The following TMED5 variants were observed in gnomAD, a reference collection of about 807,000 sequenced individuals.
TMED5 encodes transmembrane emp24 domain-containing protein 5.
TMED5 carries 27 observed loss-of-function variants against 23.0 expected under a neutral mutation model. The ratio of observed to expected loss-of-function variants is 1.17; its 90% CI spans 0.86 to 1.62. The LOEUF (loss-of-function observed/expected upper bound fraction) is 1.62, where lower values mean the gene tolerates loss of function less well. TMED5 is among the 40% of genes most tolerant of loss of function. The pLI is 0.00. For synonymous variants in TMED5, 97 were observed against 100.8 expected (o/e 0.96, Z 0.23); for missense variants, 248 against 273.7 (o/e 0.91, Z 0.66).
At chr1:93,155,960 T>C in intron 3 of TMED5, 1 of 706,986 alleles carries the variant, frequency 1.4e-6, no homozygotes. Flanking sequence ...ACTTTTCATA[T>C]GCCTGCTGTA....
intron 1 of TMED5, among the ~76,000 whole-genome samples, chr1:93,164,619 TCA>T (rs1468471420): frequency 6.6e-6 from 1 of 152,136 alleles, no homozygotes; most frequent in Non-Finnish European, 1.5e-5. Flanking sequence ...ACCCACGTGT[TCA>T]GAGACTCAAG....
In TMED5 at chr1:93,151,990, G is replaced by A. The variant is rs970399893; in HGVS notation, c.*2680C>T. 1 of 152,472 alleles carries A rather than the reference G, an allele frequency of 6.6e-6. No homozygotes were observed. The highest frequency in any genetic ancestry group is 2.4e-5 in the African/African-American group (1 of 41,412). 9.4% of individuals were successfully genotyped at this position (152,472 alleles called of 1,614,324 possible). On this transcript the variant is annotated 3_prime_UTR_variant, in exon 4 of 4. Transcript: ENST00000370282. ...CTTCAGATGAAAAATCCTTACATGT[G>A]GAATCAATGTCTTTTAAAATTTCAG...
chr1:93,153,105 C>G lies in TMED5; in HGVS notation c.*1565G>C, dbSNP rs1389639903. 1 of 152,448 alleles carries G rather than the reference C, an allele frequency of 6.6e-6. No homozygotes were observed. Among genetic ancestry groups the G allele is most frequent in the Non-Finnish European group, 1.5e-5 (1 of 67,970 alleles). 9.4% of individuals were successfully genotyped at this position (152,448 alleles called of 1,614,324 possible). On this transcript the variant is annotated 3_prime_UTR_variant, in exon 4 of 4. Coordinates refer to ENST00000370282, the MANE Select transcript of TMED5 (RefSeq NM_016040.5). ...TAACCTGTTGAGGGGTTCTATACCCCAAATTTTAAGTTTGTTTCTAACTCA... is the reference window on the plus strand; with the variant it reads ...TAACCTGTTGAGGGGTTCTATACCCGAAATTTTAAGTTTGTTTCTAACTCA...
intron 2 of TMED5, among the ~76,000 whole-genome samples, chr1:93,157,984 C>T (rs993765996): frequency 4.6e-5 from 7 of 151,860 alleles, no homozygotes; most frequent in African/African-American, 9.7e-5. Flanking sequence ...ATTAGCCGGG[C>T]GTGGTGGCGG....
At position 93,160,586 on chromosome 1, in the gene TMED5, G is replaced by A. The variant is rs565977737; in HGVS notation, c.190-360C>T. The A allele has an allele frequency of 7.2e-5, 12 of 167,152 alleles. 1 individual carries two copies. The South Asian group carries it at 1.5e-3, about 22-fold the overall frequency. 10.4% of individuals were successfully genotyped at this position (167,152 alleles called of 1,614,324 possible). A position where few individuals can be genotyped will look rare whatever the true frequency, so the allele number is the denominator to read the frequency against. On this transcript the variant is annotated intron_variant, in intron 1 of 3. Coordinates refer to ENST00000370282, the MANE Select transcript of TMED5 (RefSeq NM_016040.5). ...AAAACTTAGGCAATTGGCAGGGCGC[G>A]GTGGCTCACGCCTGTAATCCCAGCA...
intron 2 of TMED5, chr1:93,159,026 T>C (rs1648175465): frequency 5.5e-6 from 1 of 182,188 alleles, no homozygotes; most frequent in Non-Finnish European, 1.0e-5. Context: ...AAAATGCATT[T>C]TAAATGAGTA....
chr1:93,156,823 A>G lies in TMED5; in HGVS notation c.288-340T>C, dbSNP rs949328004. Among the ~76,000 whole-genome samples, 38 of 151,418 alleles carry G rather than the reference A, an allele frequency of 2.5e-4. 1 individual carries two copies. The highest frequency in any genetic ancestry group is 5.2e-4 in the Non-Finnish European group (35 of 67,830). ...ATCCTGTCTCAAAAAAAAAAAAAAA[A>G]AAAAAGAAACCAACAAAACAAAAAA... On this transcript the variant is annotated intron_variant, in intron 2 of 3. Transcript: ENST00000370282.
At chr1:93,156,186 T>C in intron 3 of TMED5, 114 bp downstream of exon 3, 1 of 1,191,314 alleles carries the variant, frequency 8.4e-7, no homozygotes, top group Non-Finnish European at 1.2e-6. Context: ...AAATAAAATA[T>C]TAGAAACAGA....
chr1:93,169,916 C>CACACACACAA (rs1648649390), intron 1 of TMED5, among the ~76,000 whole-genome samples: 1 of 151,420 alleles, frequency 6.6e-6, no homozygotes, highest in African/African-American at 2.4e-5. Context: ...CACACACACA[C>CACACACACAA]ACAAAATTAG....
chr1:93,167,147 C>A (rs1163962437), intron 1 of TMED5, among the ~76,000 whole-genome samples: 1 of 152,010 alleles, frequency 6.6e-6, no homozygotes, highest in African/African-American at 2.4e-5. Context: ...AGCACCATGC[C>A]ATTTTGGTTA....
At chr1:93,157,796 T>C (rs556404834) in intron 2 of TMED5, among the ~76,000 whole-genome samples, 4 of 152,322 alleles carry the variant, frequency 2.6e-5, no homozygotes, top group Admixed American at 2.0e-4. Context: ...AAAATTAATA[T>C]AGCTAAAGAT....
At position 93,150,554 on chromosome 1, in the gene TMED5, T is replaced by C. The variant is rs958162782; in HGVS notation, c.*4116A>G. On this transcript the variant is annotated 3_prime_UTR_variant, in exon 4 of 4. Coordinates refer to ENST00000370282, the MANE Select transcript of TMED5 (RefSeq NM_016040.5). ...TATTTTCCACAGTGGCTCTACTATTTCATATCTCACCAGCAACGTATGAGT... is the reference window on the plus strand; with the variant it reads ...TATTTTCCACAGTGGCTCTACTATTCCATATCTCACCAGCAACGTATGAGT... The C allele has an allele frequency of 4.6e-5, 7 of 152,248 alleles. No homozygotes were observed. Among genetic ancestry groups the C allele is most frequent in the Non-Finnish European group, 7.3e-5 (5 of 68,044 alleles). 9.4% of individuals were successfully genotyped at this position (152,248 alleles called of 1,614,324 possible).
At chr1:93,168,796 C>T (rs964052238) in intron 1 of TMED5, among the ~76,000 whole-genome samples, 4 of 152,332 alleles carry the variant, frequency 2.6e-5, no homozygotes, top group Middle Eastern at 3.4e-3. Context: ...GATGGCACCA[C>T]TGCACTAGAG....
chr1:93,172,856 T>G (rs546828576), intron 1 of TMED5, among the ~76,000 whole-genome samples: 69 of 152,244 alleles, frequency 4.5e-4, no homozygotes, highest in African/African-American at 1.6e-3. Context: ...ACAACCTAAG[T>G]GTCCATTAAT....
chr1:93,161,698 T>C (rs950497720), intron 1 of TMED5: 6 of 152,228 alleles, frequency 3.9e-5, no homozygotes, highest in African/African-American at 1.4e-4. Context: ...ACACCTATCC[T>C]CTTTGGCACT....
intron 1 of TMED5, chr1:93,160,448 T>C: frequency 2.5e-6 from 1 of 399,100 alleles, no homozygotes; most frequent in East Asian, 3.7e-5. Context: ...CACCTAAATT[T>C]AGGCCTTATG....
In TMED5 at chr1:93,151,978, A is replaced by C. The variant is rs1647895501; in HGVS notation, c.*2692T>G. 6.6e-6 allele frequency: 1 copy of C among 152,608 alleles called. No homozygotes were observed. The highest frequency in any genetic ancestry group is 1.5e-5 in the Non-Finnish European group (1 of 68,038). 9.5% of individuals were successfully genotyped at this position (152,608 alleles called of 1,614,324 possible). A position where few individuals can be genotyped will look rare whatever the true frequency, so the allele number is the denominator to read the frequency against. On this transcript the variant is annotated 3_prime_UTR_variant, in exon 4 of 4. Transcript: ENST00000370282. ...TGCATTATTGTACTTCAGATGAAAA[A>C]TCCTTACATGTGGAATCAATGTCTT...
chr1:93,174,395 T>A (rs551187670), intron 1 of TMED5, among the ~76,000 whole-genome samples: 5 of 152,254 alleles, frequency 3.3e-5, no homozygotes, highest in Non-Finnish European at 7.3e-5. Flanking sequence ...TAGTCCCAGC[T>A]ACCCAGGAGG....
chr1:93,179,428 GAAAA>G (rs1314895784), intron 1 of TMED5, among the ~76,000 whole-genome samples: 1 of 149,438 alleles, frequency 6.7e-6, no homozygotes, highest in Non-Finnish European at 1.5e-5. Flanking sequence ...ATGAAAAAAT[GAAAA>G]GAAAGGTTAT....
Sources: gnomAD v4.1 joint callset for allele counts (sites outside exome capture counted in the v4.1 genomes callset) on GRCh38, gnomAD v4.1.1 for gene constraint, MANE v1.5 for transcripts, NCBI Gene and HGNC (gene_info 2026-07-23, HGNC 2026-07-21) for gene names.